The following FAM149B1 variants were observed in gnomAD, a reference collection of about 807,000 sequenced individuals.
The protein encoded by FAM149B1 is primary cilium assembly protein FAM149B1.
A neutral mutation model predicts 75.3 loss-of-function variants in FAM149B1; 56 were observed. That is an observed-to-expected ratio of 0.74 (90% CI 0.60 to 0.93). The LOEUF (loss-of-function observed/expected upper bound fraction) is 0.93, where lower values mean the gene tolerates loss of function less well. Among genes scored for constraint, FAM149B1 ranks in the 40% least tolerant of loss-of-function variants. FAM149B1 has a pLI of 0.00. For synonymous variants in FAM149B1, 259 were observed against 256.1 expected (o/e 1.01, Z -0.11); for missense variants, 639 against 708.4 (o/e 0.90, Z 1.11).
chr10:73,233,098 C>T lies in FAM149B1; in HGVS notation c.1287C>T (p.Ile429=). ...RNPPPRTLHP[I]STSHSCAETP... is the part of the protein sequence containing the mutation. Reference sequence around the variant, plus strand: ...CACCACCACGAACTCTTCATCCGATCAGCACGAGCCATTCATGTGCTGAAA... The same window carrying T: ...CACCACCACGAACTCTTCATCCGATTAGCACGAGCCATTCATGTGCTGAAA... The change falls in exon 10 of 14, where the codon ATC becomes ATT. Residue 429 remains isoleucine (I), a synonymous_variant. Transcript: ENST00000242505. 1 of 1,551,668 alleles carries T rather than the reference C, an allele frequency of 6.4e-7. No individual in the cohort carries two copies. The highest frequency in any genetic ancestry group is 8.7e-7 in the Non-Finnish European group (1 of 1,146,996).
intron 3 of FAM149B1, among the ~76,000 whole-genome samples, chr10:73,182,468 T>G (rs905840414): frequency 2.2e-4 from 33 of 152,332 alleles, no homozygotes; most frequent in Admixed American, 5.9e-4. Flanking sequence ...CACCTTGGCC[T>G]CCCAAAGTGT....
At chr10:73,188,742 AAAGG>A (rs1160423053) in intron 3 of FAM149B1, among the ~76,000 whole-genome samples, 3 of 130,708 alleles carry the variant, frequency 2.3e-5, no homozygotes, top group Non-Finnish European at 4.7e-5. Flanking sequence ...AGAAAAAAAA[AAAGG>A]AAGGAAGGAG....
chr10:73,239,015 C>A, intron 12 of FAM149B1: 1 of 256,226 alleles, frequency 3.9e-6, no homozygotes, highest in Non-Finnish European at 7.5e-6. Context: ...GAGACGAACC[C>A]CCTTAGAACT....
At chr10:73,200,705 A>C (rs1383203936) in intron 5 of FAM149B1, 3 of 481,840 alleles carry the variant, frequency 6.2e-6, no homozygotes, top group South Asian at 5.5e-5. Context: ...TAAAGATCCT[A>C]TTCAAATTCT....
chr10:73,219,391 GA>G (rs1256962805), intron 7 of FAM149B1, among the ~76,000 whole-genome samples: 1 of 152,060 alleles, frequency 6.6e-6, no homozygotes, highest in Non-Finnish European at 1.5e-5. Flanking sequence ...TTTTTTTGTA[GA>G]AATGGGCAAG....
At position 73,232,984 on chromosome 10, in the gene FAM149B1, C is replaced by T. The variant is rs1226983448; in HGVS notation, c.1173C>T (p.Ile391=). Reference sequence around the variant, plus strand: ...TTATGAGGCCTGGGTCCAGTACCATCCTTTCAACTCGAAATTGGCCAAATC... The same window carrying T: ...TTATGAGGCCTGGGTCCAGTACCATTCTTTCAACTCGAAATTGGCCAAATC... ...KLLMRPGSST[I]LSTRNWPNRA... Residue 391 remains isoleucine, a synonymous_variant, in exon 10 of 14, where the codon ATC becomes ATT. Coordinates refer to ENST00000242505, the MANE Select transcript of FAM149B1 (RefSeq NM_173348.2). 1.2e-5 allele frequency: 18 copies of T among 1,551,800 alleles called. No individual in the cohort carries two copies. The highest frequency in any genetic ancestry group is 1.4e-5 in the Non-Finnish European group (16 of 1,146,884).
Position 73,168,128 on chromosome 10 carries a change from C to G in FAM149B1, c.-212C>G, listed in dbSNP as rs765238861. On this transcript the variant is annotated 5_prime_UTR_variant, in exon 1 of 14. Transcript: ENST00000242505. ...TCCGGGGGCCTTCGTCACTTCCGCCCCCGCGGCAAAGCAGGGAGGTCGGAG... is the reference window on the plus strand; with the variant it reads ...TCCGGGGGCCTTCGTCACTTCCGCCGCCGCGGCAAAGCAGGGAGGTCGGAG... 2.3e-5 allele frequency: 13 copies of G among 571,104 alleles called. No individual in the cohort carries two copies. Among genetic ancestry groups the G allele is most frequent in the Non-Finnish European group, 3.4e-5 (11 of 326,074 alleles). 35.4% of individuals were successfully genotyped at this position (571,104 alleles called of 1,614,324 possible).
chr10:73,190,382 T>C (rs2042652635), intron 3 of FAM149B1, among the ~76,000 whole-genome samples: 1 of 151,924 alleles, frequency 6.6e-6, no homozygotes, highest in Admixed American at 6.6e-5. Flanking sequence ...TGGTCCAGTA[T>C]AGCCTCAAAC....
At position 73,243,297 on chromosome 10, in the gene FAM149B1, C is replaced by A; in HGVS notation, c.*2278C>A. On this transcript the variant is annotated 3_prime_UTR_variant, in exon 14 of 14. Transcript: ENST00000242505. ...TGAAAAATTCAGGCTGGAAAGACAC[C>A]TTTTCTCAAGAGCTGAATTGACTTT... The A allele has an allele frequency of 7.3e-7, 1 of 1,363,248 alleles. No homozygotes were observed. The highest frequency in any genetic ancestry group is 1.0e-6 in the Non-Finnish European group (1 of 990,338). 84.4% of individuals were successfully genotyped at this position (1,363,248 alleles called of 1,614,324 possible). A position where few individuals can be genotyped will look rare whatever the true frequency, so the allele number is the denominator to read the frequency against.
chr10:73,225,168 T>C (rs1292680816), intron 7 of FAM149B1, among the ~76,000 whole-genome samples: 1 of 152,250 alleles, frequency 6.6e-6, no homozygotes, highest in African/African-American at 2.4e-5. Context: ...TACTGGTTTA[T>C]GTATATACTA....
At chr10:73,236,988 A>G (rs2043837528) in intron 12 of FAM149B1, among the ~76,000 whole-genome samples, 1 of 152,114 alleles carries the variant, frequency 6.6e-6, no homozygotes, top group Non-Finnish European at 1.5e-5. Flanking sequence ...TGCTGGGACT[A>G]CAGGCATGAG....
chr10:73,223,614 C>CCTA, intron 7 of FAM149B1, among the ~76,000 whole-genome samples: 1 of 152,270 alleles, frequency 6.6e-6, no homozygotes, highest in African/African-American at 2.4e-5. Flanking sequence ...AGTGGTTATA[C>CCTA]CTACTTACAG....
Position 73,233,095 on chromosome 10 carries a change from G to T in FAM149B1, c.1284G>T (p.Pro428=). The part of the protein sequence containing the change: ...RRNPPPRTLH[P]ISTSHSCAET... ...ATCCACCACCACGAACTCTTCATCC[G>T]ATCAGCACGAGCCATTCATGTGCTG... is the stretch of plus-strand genomic sequence containing the variant. Residue 428 remains proline (P), a synonymous_variant, in exon 10 of 14, where the codon CCG becomes CCT. Transcript: ENST00000242505. 1.3e-6 allele frequency: 2 copies of T among 1,551,644 alleles called. No homozygotes were observed. The highest frequency in any genetic ancestry group is 1.4e-5 in the African/African-American group (1 of 73,136).
In FAM149B1 at chr10:73,177,953, C is replaced by T. The variant is rs1191654168; in HGVS notation, c.260C>T (p.Ser87Leu). 1.2e-5 allele frequency: 18 copies of T among 1,551,066 alleles called. No homozygotes were observed. Among genetic ancestry groups the T allele is most frequent in the Non-Finnish European group, 1.6e-5 (18 of 1,146,856 alleles). ...GCAGGGATATCTACTGAAGGAAGCT[C>T]GGACTTCTCCTGGGGATATGGTGTG... ...TGAGISTEGS[S>L]DFSWGYGELD... is the part of the protein sequence containing the mutation. The change falls in exon 3 of 14, where the codon TCG becomes TTG. Residue 87 changes from serine to leucine, a missense_variant. By Grantham distance (145) the Ser-to-Leu change is moderately radical (BLOSUM62 -2). Transcript: ENST00000242505.
chr10:73,180,626 A>G (rs1283763871), intron 3 of FAM149B1, among the ~76,000 whole-genome samples: 2 of 152,206 alleles, frequency 1.3e-5, no homozygotes, highest in Non-Finnish European at 2.9e-5. Context: ...ACATATAGCC[A>G]TCTTACTTTT....
chr10:73,238,669 T>C (rs1364076406), intron 12 of FAM149B1: 2 of 152,220 alleles, frequency 1.3e-5, no homozygotes, highest in East Asian at 3.8e-4. Context: ...CTCTAAAATA[T>C]AGGGGCTTCA....
At chr10:73,169,513 A>G (rs1359434633) in intron 1 of FAM149B1, among the ~76,000 whole-genome samples, 1 of 150,344 alleles carries the variant, frequency 6.7e-6, no homozygotes, top group East Asian at 1.9e-4. Context: ...GCTGGAGGGC[A>G]GTAGTGCAAT....
intron 7 of FAM149B1, among the ~76,000 whole-genome samples, chr10:73,215,312 A>G (rs2043272970): frequency 6.6e-6 from 1 of 152,134 alleles, no homozygotes; most frequent in Non-Finnish European, 1.5e-5. Flanking sequence ...GGCATGAGCT[A>G]CCATGCTCGG....
At position 73,188,733 on chromosome 10, in the gene FAM149B1, G is replaced by GA. The variant is rs200642036; in HGVS notation, c.283-3812dup. On this transcript the variant is annotated intron_variant, in intron 3 of 13. Coordinates refer to ENST00000242505, the MANE Select transcript of FAM149B1 (RefSeq NM_173348.2). ...GAGAGAGACTCTGTCTCAGAAAAAA[G>GA]AAAAAAAAAAAGGAAGGAAGGAGGG... 3.5e-3 allele frequency among the ~76,000 whole-genome samples: 275 copies of GA among 78,086 alleles called. 1 individual carries two copies. Among genetic ancestry groups the GA allele is most frequent in the African/African-American group, 0.011 (256 of 22,680 alleles). The allele number at this position is 78,086 out of a possible 152,430, so 51.2% of individuals were successfully genotyped here.
Sources: allele counts gnomAD v4.1 joint callset (sites outside exome capture counted in the v4.1 genomes callset), GRCh38; gene constraint gnomAD v4.1.1; transcripts MANE v1.5; gene names NCBI Gene and HGNC (gene_info 2026-07-23, HGNC 2026-07-21).